Variants in PDE4D observed in about 807,000 individuals in gnomAD.
PDE4D encodes the protein phosphodiesterase 4D.
PDE4D carries 24 observed loss-of-function variants against 87.4 expected under a neutral mutation model. The ratio of observed to expected loss-of-function variants is 0.27; its 90% confidence interval spans 0.20 to 0.39. PDE4D has a LOEUF of 0.39. Ranked by LOEUF, PDE4D falls within the 10% of genes least tolerant of loss-of-function variation. The pLI is 1.00. For synonymous variants in PDE4D, 384 were observed against 383.2 expected (o/e 1.00, Z -0.02); for missense variants, 714 against 1,041.0 (o/e 0.69, Z 4.32).
chr5:59,889,443 T>C (rs1377250957), intron 1 of PDE4D, among the ~76,000 whole-genome samples: 1 of 151,490 alleles, frequency 6.6e-6, no homozygotes, highest in Non-Finnish European at 1.5e-5. Context: ...ATTGTGCCAC[T>C]GTACTCCAAC....
intron 1 of PDE4D, among the ~76,000 whole-genome samples, chr5:60,284,495 C>T (rs957099464): frequency 6.6e-6 from 1 of 152,102 alleles, no homozygotes; most frequent in African/African-American, 2.4e-5. Flanking sequence ...AATTCAGATA[C>T]AAATGCATTA....
rs1561396071 is a variant in PDE4D, at chr5:59,053,645, G to GTTTTTTGTTTT, written c.809-14675_809-14674insAAAACAAAAAA. The stretch of plus-strand genomic sequence containing the variant: ...TATGAATTAAGTTGTTTTGTTTTTT[G>GTTTTTTGTTTT]TTTTTTTTTGTTGTTGTTTTTTTTT... On this transcript the variant is annotated intron_variant, in intron 5 of 14. Coordinates refer to ENST00000340635, the MANE Select transcript of PDE4D (RefSeq NM_001104631.2). Among the ~76,000 whole-genome samples the GTTTTTTGTTTT allele has an allele frequency of 1.5e-4, 10 of 68,800 alleles. 2 individuals carry two copies. Among genetic ancestry groups the GTTTTTTGTTTT allele is most frequent in the South Asian group, 1.2e-3 (3 of 2,492 alleles). 45.1% of individuals were successfully genotyped at this position (68,800 alleles called of 152,430 possible). A position where few individuals can be genotyped will look rare whatever the true frequency, so the allele number is the denominator to read the frequency against.
intron 1 of PDE4D, among the ~76,000 whole-genome samples, chr5:59,415,602 T>C (rs1793462920): frequency 6.6e-6 from 1 of 151,634 alleles, no homozygotes; most frequent in African/African-American, 2.4e-5. Context: ...TCTATATTTC[T>C]AATTGTAAAT....
At chr5:60,086,923 G>A (rs893284270) in intron 2 of PDE4D, among the ~76,000 whole-genome samples, 15 of 152,222 alleles carry the variant, frequency 9.9e-5, no homozygotes, top group African/African-American at 3.6e-4. Flanking sequence ...TGCTGCAAGG[G>A]GGGGCACCAT....
intron 1 of PDE4D, among the ~76,000 whole-genome samples, chr5:59,535,290 A>G (rs1814989117): frequency 6.6e-6 from 1 of 152,168 alleles, no homozygotes; most frequent in Admixed American, 6.5e-5. Context: ...TGTCCCCAGA[A>G]AGTCTGATGT....
At chr5:59,416,977 A>G (rs1793715255) in intron 1 of PDE4D, among the ~76,000 whole-genome samples, 1 of 152,196 alleles carries the variant, frequency 6.6e-6, no homozygotes, top group Non-Finnish European at 1.5e-5. Context: ...ATGTATGTAC[A>G]TACAATACAT....
intron 1 of PDE4D, among the ~76,000 whole-genome samples, chr5:59,479,728 G>A (rs909543818): frequency 6.6e-6 from 1 of 152,218 alleles, no homozygotes; most frequent in Non-Finnish European, 1.5e-5. Context: ...ATGCCGAGTG[G>A]TAAAATAAAC....
chr5:59,150,845 T>A (rs538827546), intron 5 of PDE4D, among the ~76,000 whole-genome samples: 2 of 152,160 alleles, frequency 1.3e-5, no homozygotes, highest in Non-Finnish European at 2.9e-5. Context: ...TTAAATCTAC[T>A]GATGGCCTAA....
chr5:60,498,018 A>C (rs1031147932), intron 1 of PDE4D, among the ~76,000 whole-genome samples: 2 of 152,206 alleles, frequency 1.3e-5, no homozygotes, highest in African/African-American at 4.8e-5. Context: ...TCATCCTCTG[A>C]CTATCAGCAG....
chr5:59,617,536 T>C (rs940004802), intron 1 of PDE4D, among the ~76,000 whole-genome samples: 4 of 152,114 alleles, frequency 2.6e-5, no homozygotes, highest in African/African-American at 7.2e-5. Flanking sequence ...GATGAGGACA[T>C]ATTGCAAGAG....
chr5:60,122,010 C>T (rs1457995464), intron 2 of PDE4D, among the ~76,000 whole-genome samples: 2 of 152,120 alleles, frequency 1.3e-5, no homozygotes, highest in Admixed American at 6.5e-5. Flanking sequence ...GCTCAAAATC[C>T]AGCAGGGCAG....
intron 1 of PDE4D, among the ~76,000 whole-genome samples, chr5:59,880,555 G>T (rs1749292422): frequency 6.6e-6 from 1 of 152,190 alleles, no homozygotes; most frequent in Admixed American, 6.5e-5. Flanking sequence ...GCTTGACAAA[G>T]TTACTTCAGT....
intron 1 of PDE4D, among the ~76,000 whole-genome samples, chr5:59,354,687 GC>G (rs543508125): frequency 1.3e-5 from 2 of 152,204 alleles, no homozygotes; most frequent in South Asian, 2.1e-4. Context: ...GTGGCCAACT[GC>G]CTTCCTACCT....
chr5:59,307,699 A>G (rs1465430832), intron 1 of PDE4D, among the ~76,000 whole-genome samples: 3 of 151,824 alleles, frequency 2.0e-5, no homozygotes, highest in East Asian at 1.9e-4. Context: ...ATCATTCAAA[A>G]GTCAGGAAAC....
intron 1 of PDE4D, among the ~76,000 whole-genome samples, chr5:59,588,794 G>T (rs973525168): frequency 6.6e-6 from 1 of 152,122 alleles, no homozygotes; most frequent in African/African-American, 2.4e-5. Context: ...GAGAATATTT[G>T]TTGAGATTTC....
intron 1 of PDE4D, chr5:59,356,711 A>T: frequency 6.6e-7 from 1 of 1,504,122 alleles, no homozygotes; most frequent in Non-Finnish European, 8.9e-7. Flanking sequence ...AAGGGGCCTA[A>T]GGCAGTTAAA....
chr5:59,523,409 A>G (rs909770481), intron 1 of PDE4D, among the ~76,000 whole-genome samples: 1 of 152,258 alleles, frequency 6.6e-6, no homozygotes, highest in Non-Finnish European at 1.5e-5. Flanking sequence ...TTTGAATTTC[A>G]CATATCTAAA....
intron 5 of PDE4D, among the ~76,000 whole-genome samples, chr5:59,042,737 A>G (rs1759900432): frequency 6.6e-6 from 1 of 152,146 alleles, no homozygotes; most frequent in African/African-American, 2.4e-5. Flanking sequence ...CCTTTGAACT[A>G]TGTAACACCC....
intron 1 of PDE4D, among the ~76,000 whole-genome samples, chr5:59,649,164 G>C (rs191473008): frequency 6.6e-6 from 1 of 152,282 alleles, no homozygotes; most frequent in East Asian, 1.9e-4. Context: ...CCCAATGTGA[G>C]GTGAAGAAAG....
Sources: allele counts gnomAD v4.1 joint callset (sites outside exome capture counted in the v4.1 genomes callset), GRCh38; gene constraint gnomAD v4.1.1; transcripts MANE v1.5; gene names NCBI Gene and HGNC (gene_info 2026-07-23, HGNC 2026-07-21).